The following ASIC1 variants were observed in gnomAD, a reference collection of about 807,000 sequenced individuals.
The protein encoded by ASIC1 is acid-sensing ion channel 1.
In ASIC1, 21 loss-of-function variants were observed where a neutral mutation model predicts 63.4. The ratio of observed to expected loss-of-function variants is 0.33; its 90% confidence interval spans 0.23 to 0.48. The LOEUF (loss-of-function observed/expected upper bound fraction) is 0.48. Ranked by LOEUF, ASIC1 falls within the 20% of genes least tolerant of loss-of-function variation. The pLI, the probability that ASIC1 is intolerant of heterozygous loss-of-function variation, is 0.99. For synonymous variants in ASIC1, 258 were observed against 278.2 expected (o/e 0.93, Z 0.72); for missense variants, 478 against 695.5 (o/e 0.69, Z 3.52).
chr12:50,080,767 C>T (rs1407977597), intron 9 of ASIC1, 178 bp downstream of exon 9: 1 of 1,550,306 alleles, frequency 6.5e-7, no homozygotes, highest in Non-Finnish European at 8.8e-7. Context: ...TCTCTTAGGG[C>T]AAAGTGGAAA....
At chr12:50,061,516 A>G (rs1174574736) in intron 3 of ASIC1, among the ~76,000 whole-genome samples, 1 of 152,176 alleles carries the variant, frequency 6.6e-6, no homozygotes, top group African/African-American at 2.4e-5. Context: ...TGCTCCCAAG[A>G]GTAACAGGAC....
At chr12:50,079,586 G>A (rs986868653) in intron 7 of ASIC1, among the ~76,000 whole-genome samples, 1 of 152,144 alleles carries the variant, frequency 6.6e-6, no homozygotes, top group African/African-American at 2.4e-5. Context: ...TCCATGGGGA[G>A]GCTTGGTGAG....
intron 3 of ASIC1, among the ~76,000 whole-genome samples, chr12:50,067,183 T>A (rs1370312041): frequency 6.6e-6 from 1 of 152,186 alleles, no homozygotes; most frequent in African/African-American, 2.4e-5. Context: ...CTTTACAAAG[T>A]TCCTAAAAGT....
chr12:50,080,280 C>T (rs750307892), intron 8 of ASIC1: 53 of 771,170 alleles, frequency 6.9e-5, no homozygotes, highest in Non-Finnish European at 1.0e-4. Context: ...TTGTTGTAAC[C>T]GGAGTCACTT....
At chr12:50,079,738 G>A (rs374749342) in intron 7 of ASIC1, among the ~76,000 whole-genome samples, 164 bp from the exon 8 acceptor site, 21 of 152,156 alleles carry the variant, frequency 1.4e-4, no homozygotes, top group South Asian at 6.2e-4. Flanking sequence ...GCTGGATGGT[G>A]AGGTAGGATG....
At chr12:50,058,332 A>G (rs1950466794) in intron 1 of ASIC1, among the ~76,000 whole-genome samples, 1 of 152,190 alleles carries the variant, frequency 6.6e-6, no homozygotes, top group African/African-American at 2.4e-5. Context: ...ACCCGTGACC[A>G]GGACAGGAGC....
intron 3 of ASIC1, among the ~76,000 whole-genome samples, chr12:50,072,259 C>A (rs991751764): frequency 1.3e-5 from 2 of 152,166 alleles, no homozygotes; most frequent in African/African-American, 4.8e-5. Context: ...CACCTAGCCC[C>A]GGTCTAGCCC....
rs530205843 is a variant in ASIC1, at chr12:50,074,591, G to A, written c.559-2622G>A. Among the ~76,000 whole-genome samples, 2 of 152,310 alleles carry A rather than the reference G, an allele frequency of 1.3e-5. No homozygotes were observed. Among genetic ancestry groups the A allele is most frequent in the South Asian group, 4.1e-4 (2 of 4,822 alleles). ...GGGCCCGGGACCTTGCTCCATCTGT[G>A]AGGTCAACCTTTGATCTGTTGGTGG... On this transcript the variant is annotated intron_variant, in intron 3 of 11. Coordinates refer to ENST00000447966, the MANE Select transcript of ASIC1 (RefSeq NM_001095.4). This position sits in a 1 kb window ranked among gnomAD's most constrained non-coding sequence, Gnocchi z 4.2.
At position 50,078,973 on chromosome 12, in the gene ASIC1, T is replaced by C. The variant is rs766969707; in HGVS notation, c.1044T>C (p.Pro348=). 6.2e-7 allele frequency: 1 copy of C among 1,613,582 alleles called. No homozygotes were observed. Among genetic ancestry groups the C allele is most frequent in the Non-Finnish European group, 8.5e-7 (1 of 1,179,812 alleles). ...TPEQYKECAD[P]ALDFLVEKDQ... ...AGCAGTACAAGGAGTGTGCAGATCCTGCTCTGGGTGAGCGCCCCTGGCCTG... is the reference window on the plus strand; with the variant it reads ...AGCAGTACAAGGAGTGTGCAGATCCCGCTCTGGGTGAGCGCCCCTGGCCTG... The change falls in exon 7 of 12, where the codon CCT becomes CCC. Residue 348 remains proline (P), a synonymous_variant. Transcript: ENST00000447966. This position sits in a 1 kb window ranked among gnomAD's most constrained non-coding sequence, Gnocchi z 6.0.
intron 3 of ASIC1, among the ~76,000 whole-genome samples, chr12:50,061,759 A>G (rs150909097): frequency 6.6e-6 from 1 of 152,314 alleles, no homozygotes; most frequent in Non-Finnish European, 1.5e-5. Flanking sequence ...CATCATGTCC[A>G]GAAAGATTCC....
At chr12:50,062,188 C>T (rs1950506939) in intron 3 of ASIC1, among the ~76,000 whole-genome samples, 1 of 152,212 alleles carries the variant, frequency 6.6e-6, no homozygotes, top group African/African-American at 2.4e-5. Flanking sequence ...CTGACACCTC[C>T]CCGGTGGAGA....
At position 50,066,216 on chromosome 12, in the gene ASIC1, A is replaced by G. The variant is rs745837945; in HGVS notation, c.558+6262A>G. 9.8e-5 allele frequency among the ~76,000 whole-genome samples: 15 copies of G among 152,336 alleles called. No homozygotes were observed. The East Asian group carries it at 2.7e-3, about 27-fold the overall frequency. ...CGTGATCTTCATAATTCTTGTAGGA[A>G]GGAAATTATTAACATCTTCATTGGA... On this transcript the variant is annotated intron_variant, in intron 3 of 11. Transcript: ENST00000447966.
At chr12:50,076,762 T>C (rs985302884) in intron 3 of ASIC1, 1 of 352,276 alleles carries the variant, frequency 2.8e-6, no homozygotes, top group African/African-American at 2.1e-5. Context: ...TGAGCAGTAC[T>C]AGGAAATCGT....
intron 3 of ASIC1, among the ~76,000 whole-genome samples, chr12:50,072,647 GGGGGGC>G (rs1212423957): frequency 6.6e-6 from 1 of 152,130 alleles, no homozygotes; most frequent in Admixed American, 6.5e-5. Flanking sequence ...TTCGGGGGGC[GGGGGGC>G]AGGCCAAAAA....
Position 50,081,373 on chromosome 12 carries a change from G to A in ASIC1, c.1482+9G>A. ...ACGACGTCAAAAGACACGTGAGGGA[G>A]CGAGCGAGGGCGCCCTCCAGCCCGC... On this transcript the variant is annotated intron_variant, in intron 11 of 11. Coordinates refer to ENST00000447966, the MANE Select transcript of ASIC1 (RefSeq NM_001095.4). The A allele has an allele frequency of 6.3e-7, 1 of 1,576,128 alleles. No homozygotes were observed. The highest frequency in any genetic ancestry group is 2.3e-5 in the East Asian group (1 of 42,778).
rs1950732528 is a variant in ASIC1 at position 50,082,633 on chromosome 12, T to TC, written c.*984_*985insC. The TC allele has an allele frequency of 6.5e-6, 1 of 152,710 alleles. No homozygotes were observed. The highest frequency in any genetic ancestry group is 1.5e-5 in the Non-Finnish European group (1 of 68,086). 9.5% of individuals were successfully genotyped at this position (152,710 alleles called of 1,614,324 possible). ...TCTCCACCCCATCCCCTCTTGTCTCTGAGAACCATTCTCCCACCCCAAGTT... is the reference window on the plus strand; with the variant it reads ...TCTCCACCCCATCCCCTCTTGTCTCTCGAGAACCATTCTCCCACCCCAAGTT... On this transcript the variant is annotated 3_prime_UTR_variant, in exon 12 of 12. Coordinates refer to ENST00000447966, the MANE Select transcript of ASIC1 (RefSeq NM_001095.4).
intron 3 of ASIC1, among the ~76,000 whole-genome samples, chr12:50,076,243 G>A (rs1346678021): frequency 6.6e-6 from 1 of 152,176 alleles, no homozygotes; most frequent in African/African-American, 2.4e-5. Context: ...GAGGCAGGTG[G>A]ATCACCTGAG....
Position 50,077,333 on chromosome 12 carries a change from G to C in ASIC1, c.679G>C (p.Asp227His). 2 of 1,614,220 alleles carry C rather than the reference G, an allele frequency of 1.2e-6. No individual in the cohort carries two copies. The highest frequency in any genetic ancestry group is 1.7e-6 in the Non-Finnish European group (2 of 1,180,026). ...GGAAATCATGCTGGACATCCAGCAG[G>C]ACGAGTACCTGCCTGTGTGGGGGGA... ...GLEIMLDIQQDEYLPVWGETD... is the reference protein window; with the variant it reads ...GLEIMLDIQQHEYLPVWGETD... Residue 227 changes from aspartate (D) to histidine (H), a missense_variant, in exon 4 of 12, where the codon GAC becomes CAC. This residue lies in a region of ASIC1 where 290 missense variants were observed against 414.9 expected (regional missense o/e 0.70). Coordinates refer to ENST00000447966, the MANE Select transcript of ASIC1 (RefSeq NM_001095.4).
chr12:50,059,739 C>A lies in ASIC1; in HGVS notation c.363-20C>A. 4 of 1,607,736 alleles carry A rather than the reference C, an allele frequency of 2.5e-6. No individual in the cohort carries two copies. Among genetic ancestry groups the A allele is most frequent in the East Asian group, 2.2e-5 (1 of 44,556 alleles). ...CTGATGACTGTACTGACCCGTGTGT[C>A]ACTCACCCCCGGACCCCAGGTATGA... On this transcript the variant is annotated intron_variant, in intron 2 of 11. Coordinates refer to ENST00000447966, the MANE Select transcript of ASIC1 (RefSeq NM_001095.4). This position sits in a 1 kb window ranked among gnomAD's most constrained non-coding sequence, Gnocchi z 4.6.
Sources: gnomAD v4.1 joint callset for allele counts (sites outside exome capture counted in the v4.1 genomes callset) on GRCh38, gnomAD v4.1.1 for gene constraint, gnomAD v4.1.1 regional missense constraint, Gnocchi (gnomAD v3.1) non-coding constraint, MANE v1.5 for transcripts, NCBI Gene and HGNC (gene_info 2026-07-23, HGNC 2026-07-21) for gene names.